The following DNM3 variants were observed in gnomAD, a reference collection of about 807,000 sequenced individuals.
DNM3 encodes the protein dynamin 3.
DNM3 carries 47 observed loss-of-function variants against 101.6 expected under a neutral mutation model. The observed-to-expected ratio is 0.46, with a 90% CI of 0.37 to 0.59. The LOEUF is 0.59. Among genes scored for constraint, DNM3 ranks in the 20% least tolerant of loss-of-function variants. DNM3 has a pLI of 0.00. For synonymous variants in DNM3, 385 were observed against 387.9 expected (o/e 0.99, Z 0.09); for missense variants, 849 against 1,085.7 (o/e 0.78, Z 3.06).
At chr1:171,924,062 T>C (rs2040377988) in intron 2 of DNM3, among the ~76,000 whole-genome samples, 1 of 152,204 alleles carries the variant, frequency 6.6e-6, no homozygotes, top group South Asian at 2.1e-4. Flanking sequence ...TGTCCCCTGT[T>C]TTCTTTATCC....
At chr1:172,374,850 G>C (rs542491885) in intron 17 of DNM3, among the ~76,000 whole-genome samples, 2 of 152,034 alleles carry the variant, frequency 1.3e-5, no homozygotes, top group South Asian at 4.2e-4. Context: ...TGTGATTTTT[G>C]TTTCATACCT....
In DNM3 at chr1:172,027,585, A is replaced by AACACACAC. The variant is rs61620821; in HGVS notation, c.590-4791_590-4784dup. ...GACAGAGCAAGACTCTGTCTCAAGAAACACACACACACACACACACACACA... is the reference window on the plus strand; with the variant it reads ...GACAGAGCAAGACTCTGTCTCAAGAAACACACACACACACACACACACACACACACACA... On this transcript the variant is annotated intron_variant, in intron 4 of 20. Coordinates refer to ENST00000627582, the MANE Select transcript of DNM3 (RefSeq NM_015569.5). Among the ~76,000 whole-genome samples the AACACACAC allele has an allele frequency of 2.1e-3, 299 of 141,494 alleles. 1 individual carries two copies. Among genetic ancestry groups the AACACACAC allele is most frequent in the East Asian group, 8.2e-3 (39 of 4,738 alleles). The allele number at this position is 141,494 out of a possible 152,430, so 92.8% of individuals were successfully genotyped here.
intron 4 of DNM3, among the ~76,000 whole-genome samples, chr1:172,029,483 T>A (rs2048448342): frequency 6.6e-6 from 1 of 152,186 alleles, no homozygotes; most frequent in South Asian, 2.1e-4. Flanking sequence ...GAATTCCCTT[T>A]GAAAACCGGT....
chr1:172,038,541 G>T (rs568017828), intron 7 of DNM3, 80 bp downstream of exon 7: 2 of 1,548,384 alleles, frequency 1.3e-6, no homozygotes, highest in African/African-American at 1.4e-5. Context: ...TATTTGTCAC[G>T]TTGCTTCTTA....
intron 4 of DNM3, among the ~76,000 whole-genome samples, chr1:171,991,252 C>T (rs2045609059): frequency 6.6e-6 from 1 of 152,030 alleles, no homozygotes; most frequent in Non-Finnish European, 1.5e-5. Context: ...TACTATTTAC[C>T]TGGAAATAGC....
intron 2 of DNM3, among the ~76,000 whole-genome samples, chr1:171,924,432 G>A (rs570618049): frequency 6.6e-6 from 1 of 152,282 alleles, no homozygotes; most frequent in East Asian, 1.9e-4. Context: ...ATAAAAGAAA[G>A]AGGTTTCATT....
At chr1:172,191,948 C>A (rs2059741149) in intron 14 of DNM3, among the ~76,000 whole-genome samples, 1 of 151,314 alleles carries the variant, frequency 6.6e-6, no homozygotes, top group Non-Finnish European at 1.5e-5. Context: ...AATATACCAT[C>A]ATGTCATCTG....
intron 4 of DNM3, among the ~76,000 whole-genome samples, chr1:171,990,903 A>G (rs1558385147): frequency 6.6e-6 from 1 of 152,134 alleles, no homozygotes; most frequent in Non-Finnish European, 1.5e-5. Context: ...GGCTTGGAAG[A>G]GTCAGATTAT....
intron 4 of DNM3, among the ~76,000 whole-genome samples, chr1:172,013,802 A>T (rs1350128226): frequency 6.6e-6 from 1 of 152,140 alleles, no homozygotes; most frequent in East Asian, 1.9e-4. Context: ...GAGGCTTAGT[A>T]TTGGAGTAGG....
chr1:172,245,170 T>C (rs1463184048), intron 14 of DNM3, among the ~76,000 whole-genome samples: 1 of 152,110 alleles, frequency 6.6e-6, no homozygotes, highest in Non-Finnish European at 1.5e-5. Context: ...AAAGAGTTGA[T>C]GGTTTGGTAG....
intron 14 of DNM3, among the ~76,000 whole-genome samples, chr1:172,164,600 C>A (rs911181970): frequency 1.4e-4 from 21 of 151,912 alleles, no homozygotes; most frequent in African/African-American, 5.1e-4. Flanking sequence ...AATGTTCATA[C>A]CCAAGTTTTT....
intron 14 of DNM3, among the ~76,000 whole-genome samples, chr1:172,171,824 A>C (rs890187981): frequency 1.3e-5 from 2 of 151,762 alleles, no homozygotes; most frequent in Non-Finnish European, 2.9e-5. Context: ...ATAGAAGTAA[A>C]TAGGACAGTG....
chr1:171,915,675 G>A (rs1460280657), intron 1 of DNM3, among the ~76,000 whole-genome samples: 1 of 152,080 alleles, frequency 6.6e-6, no homozygotes, highest in Non-Finnish European at 1.5e-5. Flanking sequence ...TGTTTAAGAG[G>A]TTAATATGAT....
Position 172,032,665 on chromosome 1 carries a change from A to G in DNM3, c.688+165A>G, listed in dbSNP as rs189720455. ...AGTTATACTTTTCTGGAATGGCTGTATGTTCCCAAATGATATACTAGAAAA... is the reference window on the plus strand; with the variant it reads ...AGTTATACTTTTCTGGAATGGCTGTGTGTTCCCAAATGATATACTAGAAAA... On this transcript the variant is annotated intron_variant, in intron 5 of 20. Transcript: ENST00000627582. Among the ~76,000 whole-genome samples, 617 of 149,532 alleles carry G rather than the reference A, an allele frequency of 4.1e-3. 1 individual carries two copies. Among genetic ancestry groups the G allele is most frequent in the Non-Finnish European group, 6.8e-3 (458 of 67,368 alleles).
intron 16 of DNM3, chr1:172,309,051 T>C (rs2064970540): frequency 2.3e-6 from 1 of 432,140 alleles, no homozygotes; most frequent in Non-Finnish European, 4.1e-6. Flanking sequence ...ACAATATATT[T>C]GTTAAAGAAA....
intron 1 of DNM3, among the ~76,000 whole-genome samples, chr1:171,856,452 A>G (rs1172165124): frequency 4.6e-5 from 7 of 152,168 alleles, no homozygotes; most frequent in Non-Finnish European, 1.0e-4. Context: ...GAATCTATAA[A>G]TTGCTTTGGG....
At chr1:172,035,818 G>T (rs2048914899) in intron 6 of DNM3, among the ~76,000 whole-genome samples, 1 of 151,832 alleles carries the variant, frequency 6.6e-6, no homozygotes, top group African/African-American at 2.4e-5. Flanking sequence ...CGCATGCCAG[G>T]GTGCTAACAA....
chr1:172,079,211 G>A (rs1458050189), intron 11 of DNM3, among the ~76,000 whole-genome samples: 3 of 152,158 alleles, frequency 2.0e-5, no homozygotes, highest in Non-Finnish European at 4.4e-5. Flanking sequence ...CCTGAAGAGT[G>A]TTTTCCAACT....
At chr1:172,230,928 C>T (rs138999717) in intron 14 of DNM3, among the ~76,000 whole-genome samples, 1 of 152,040 alleles carries the variant, frequency 6.6e-6, no homozygotes, top group African/African-American at 2.4e-5. Context: ...TGCCCTTCCT[C>T]TCTCTTACCT....
Sources: gnomAD v4.1 joint callset for allele counts (sites outside exome capture counted in the v4.1 genomes callset) on GRCh38, gnomAD v4.1.1 for gene constraint, MANE v1.5 for transcripts, NCBI Gene and HGNC (gene_info 2026-07-23, HGNC 2026-07-21) for gene names.